Variants in BMP6 observed in about 807,000 individuals in gnomAD.
BMP6 encodes the protein VG-1-R.
A neutral mutation model predicts 54.1 loss-of-function variants in BMP6; 17 were observed. The ratio of observed to expected loss-of-function variants is 0.31; its 90% CI spans 0.22 to 0.47. The LOEUF (loss-of-function observed/expected upper bound fraction) is 0.47. Ranked by LOEUF, BMP6 falls within the 20% of genes least tolerant of loss-of-function variation. The pLI is 1.00. For missense variants in BMP6, 720 were observed against 690.4 expected, an observed-to-expected ratio of 1.04 and a Z score of -0.48; for synonymous variants, 328 against 291.2, an observed-to-expected ratio of 1.13 and a Z score of -1.28.
intron 1 of BMP6, among the ~76,000 whole-genome samples, chr6:7,736,367 TG>T (rs879886907): frequency 6.6e-6 from 1 of 152,058 alleles, no homozygotes; most frequent in Non-Finnish European, 1.5e-5. Context: ...TATTAAAATT[TG>T]GGGGGGTTAT....
chr6:7,876,021 T>C (rs1045866930), intron 4 of BMP6, among the ~76,000 whole-genome samples: 1 of 152,152 alleles, frequency 6.6e-6, no homozygotes, highest in African/African-American at 2.4e-5. Context: ...AGTCCGTACT[T>C]CAGATGCTAG....
chr6:7,726,625 A>T lies in BMP6; in HGVS notation c.-331A>T, dbSNP rs1269219161. Among the ~76,000 whole-genome samples, 1 of 152,086 alleles carries T rather than the reference A, an allele frequency of 6.6e-6. No individual in the cohort carries two copies. Among genetic ancestry groups the T allele is most frequent in the Non-Finnish European group, 1.5e-5 (1 of 68,002 alleles). ...GAGTGACCGCGCCGCGACTCGCAGG[A>T]GCCAGGGCGCAGGCTGCAGTGCAGC... On this transcript the variant is annotated 5_prime_UTR_variant, in exon 1 of 7. Coordinates refer to ENST00000283147, the MANE Select transcript of BMP6 (RefSeq NM_001718.6).
rs553393605 is a variant in BMP6 at position 7,822,039 on chromosome 6, A to G, written c.665-23101A>G. Among the ~76,000 whole-genome samples, 16 of 150,330 alleles carry G rather than the reference A, an allele frequency of 1.1e-4. No individual in the cohort carries two copies. In the East Asian group the frequency reaches 2.2e-3, roughly 20 times the overall value. On this transcript the variant is annotated intron_variant, in intron 1 of 6. Coordinates refer to ENST00000283147, the MANE Select transcript of BMP6 (RefSeq NM_001718.6). Reference sequence around the variant, plus strand: ...TGCAGGAGGGACTTTTTTTTTTTTGAGACAGAGTTTTGGTCTTGTTGCCCA... The same window carrying G: ...TGCAGGAGGGACTTTTTTTTTTTTGGGACAGAGTTTTGGTCTTGTTGCCCA...
At chr6:7,807,185 G>C (rs957186513) in intron 1 of BMP6, among the ~76,000 whole-genome samples, 2 of 152,170 alleles carry the variant, frequency 1.3e-5, no homozygotes, top group Admixed American at 1.3e-4. Context: ...TAGACCTCCT[G>C]TTCTATCTCC....
chr6:7,835,007 G>A (rs1561786675), intron 1 of BMP6, among the ~76,000 whole-genome samples: 1 of 152,162 alleles, frequency 6.6e-6, no homozygotes, highest in Non-Finnish European at 1.5e-5. Context: ...CGGGCAGAAT[G>A]AATAAAAAGA....
intron 1 of BMP6, among the ~76,000 whole-genome samples, chr6:7,817,639 G>A (rs1263500676): frequency 6.6e-6 from 1 of 151,432 alleles, no homozygotes; most frequent in Non-Finnish European, 1.5e-5. Flanking sequence ...TGAGTTAATG[G>A]GTGCAGCACA....
chr6:7,829,624 T>G (rs147720053), intron 1 of BMP6, among the ~76,000 whole-genome samples: 3,245 of 152,240 alleles, frequency 0.021, 49 homozygotes, highest in Middle Eastern at 0.075. Context: ...GAGGATTGCT[T>G]GGGCCCAGGA....
chr6:7,844,873 C>G (rs1427848623), intron 1 of BMP6, among the ~76,000 whole-genome samples: 1 of 152,150 alleles, frequency 6.6e-6, no homozygotes, highest in South Asian at 2.1e-4. Flanking sequence ...ATAACTTGCT[C>G]TCATGCAAAT....
intron 1 of BMP6, among the ~76,000 whole-genome samples, chr6:7,819,307 A>C (rs898280130): frequency 2.6e-5 from 4 of 152,158 alleles, no homozygotes; most frequent in Non-Finnish European, 5.9e-5. Context: ...ACCTGAGTAT[A>C]CTGGGTATAA....
chr6:7,792,205 T>G (rs1270363957), intron 1 of BMP6, among the ~76,000 whole-genome samples: 4 of 152,228 alleles, frequency 2.6e-5, no homozygotes, highest in African/African-American at 9.6e-5. Context: ...GTTTTTGCTC[T>G]GAAAGCCTTC....
rs754814910 is a variant in BMP6, at chr6:7,862,332, G to C, written c.1038G>C (p.Leu346=). 10 of 1,614,090 alleles carry C rather than the reference G, an allele frequency of 6.2e-6. No individual in the cohort carries two copies. The highest frequency in any genetic ancestry group is 8.5e-6 in the Non-Finnish European group (10 of 1,180,042). The stretch of plus-strand genomic sequence containing the variant: ...ACGTCCACCCCCGAGCCGCAGGCCT[G>C]GTGGGCAGAGACGGCCCTTACGACA... ...GVHVHPRAAG[L]VGRDGPYDKQ... Residue 346 remains leucine, a synonymous_variant, in exon 4 of 7, where the codon CTG becomes CTC. Transcript: ENST00000283147.
Position 7,727,221 on chromosome 6 carries a change from T to TCCCGCA in BMP6, c.269_274dup (p.Pro90_His91dup). On this transcript the variant is annotated inframe_insertion, in exon 1 of 7. Transcript: ENST00000283147. ...AAGGAGATCTTGTCGGTGCTGGGGC[T>TCCCGCA]CCCGCACCGGCCCCGGCCCCTGCAC... 6.2e-7 allele frequency: 1 copy of TCCCGCA among 1,605,388 alleles called. No homozygotes were observed.
At chr6:7,850,378 C>T (rs996759886) in intron 2 of BMP6, among the ~76,000 whole-genome samples, 10 of 152,166 alleles carry the variant, frequency 6.6e-5, no homozygotes, top group Non-Finnish European at 1.5e-4. Context: ...ACCATCTTTA[C>T]TATTTTTAAG....
intron 1 of BMP6, among the ~76,000 whole-genome samples, chr6:7,729,706 A>G (rs2113100397): frequency 6.6e-6 from 1 of 152,304 alleles, no homozygotes; most frequent in East Asian, 1.9e-4. Flanking sequence ...AAATGGATAC[A>G]TTGTCCCAGT....
chr6:7,730,723 C>G (rs1018261333), intron 1 of BMP6, among the ~76,000 whole-genome samples: 1 of 152,150 alleles, frequency 6.6e-6, no homozygotes, highest in African/African-American at 2.4e-5. Flanking sequence ...GTTGGATTCT[C>G]TATATAGGGA....
intron 4 of BMP6, among the ~76,000 whole-genome samples, chr6:7,873,287 T>A (rs1423693272): frequency 1.3e-5 from 2 of 152,216 alleles, no homozygotes; most frequent in East Asian, 3.8e-4. Flanking sequence ...TTTGATAATT[T>A]GCTGGAACAA....
chr6:7,831,621 C>T (rs1758795365), intron 1 of BMP6, among the ~76,000 whole-genome samples: 1 of 152,148 alleles, frequency 6.6e-6, no homozygotes, highest in Non-Finnish European at 1.5e-5. Flanking sequence ...GATTAATTTC[C>T]TTCCTTGGCT....
intron 1 of BMP6, among the ~76,000 whole-genome samples, chr6:7,818,394 C>T (rs774613498): frequency 3.3e-5 from 5 of 152,176 alleles, no homozygotes; most frequent in Non-Finnish European, 5.9e-5. Context: ...ATTTAACTTA[C>T]GGCCACAACT....
chr6:7,875,725 A>G (rs1759605729), intron 4 of BMP6, among the ~76,000 whole-genome samples: 1 of 152,204 alleles, frequency 6.6e-6, no homozygotes, highest in Non-Finnish European at 1.5e-5. Flanking sequence ...AGTTGACACA[A>G]AATTAACTAT....
Sources: allele counts gnomAD v4.1 joint callset (sites outside exome capture counted in the v4.1 genomes callset), GRCh38; gene constraint gnomAD v4.1.1; transcripts MANE v1.5; gene names NCBI Gene and HGNC (gene_info 2026-07-23, HGNC 2026-07-21).